The following RORA variants were observed in gnomAD, a reference collection of about 807,000 sequenced individuals.
RORA encodes the protein nuclear receptor ROR-alpha.
In RORA, 7 loss-of-function variants were observed where a neutral mutation model predicts 69.5. That is an observed-to-expected ratio of 0.10 (90% CI 0.06 to 0.19). The LOEUF (loss-of-function observed/expected upper bound fraction) is 0.19. Ranked by LOEUF, RORA falls within the 10% of genes least tolerant of loss-of-function variation. The probability of loss-of-function intolerance (pLI) is 1.00; values close to 1 mark genes in which losing one functional copy is unlikely to be tolerated. For synonymous variants in RORA, 261 were observed against 240.8 expected (o/e 1.08, Z -0.78); for missense variants, 457 against 663.0 (o/e 0.69, Z 3.41).
At chr15:61,119,840 G>T (rs1335501142) in intron 1 of RORA, among the ~76,000 whole-genome samples, 2 of 152,194 alleles carry the variant, frequency 1.3e-5, no homozygotes, top group African/African-American at 4.8e-5. Flanking sequence ...TCCAGTCTTT[G>T]TGCTGGAGAA....
chr15:60,889,558 A>T (rs1174648071), intron 1 of RORA, among the ~76,000 whole-genome samples: 4 of 152,190 alleles, frequency 2.6e-5, no homozygotes, highest in African/African-American at 9.6e-5. Context: ...AGTTGGGGAG[A>T]GCGACAGTTG....
intron 2 of RORA, among the ~76,000 whole-genome samples, chr15:60,611,558 G>GAAAAAAAAAAAAAA (rs1567122905): frequency 4.1e-4 from 1 of 2,456 alleles, no homozygotes; most frequent in Non-Finnish European, 7.5e-4. Context: ...CTTGAGTTTT[G>GAAAAAAAAAAAAAA]CAAAAAAAAA....
chr15:60,801,739 T>G (rs1595725764), intron 1 of RORA, among the ~76,000 whole-genome samples: 1 of 152,216 alleles, frequency 6.6e-6, no homozygotes, highest in Admixed American at 6.5e-5. Context: ...CGGTTTCAGA[T>G]GAGCTTTGTG....
intron 1 of RORA, among the ~76,000 whole-genome samples, chr15:60,687,376 G>A: frequency 6.6e-6 from 1 of 152,062 alleles, no homozygotes; most frequent in East Asian, 1.9e-4. Flanking sequence ...TATAAATTAG[G>A]AAATCATAGA....
At chr15:61,016,928 G>A (rs967893757) in intron 1 of RORA, among the ~76,000 whole-genome samples, 8 of 152,094 alleles carry the variant, frequency 5.3e-5, no homozygotes, top group Admixed American at 2.0e-4. Flanking sequence ...ATACTCAGCC[G>A]AAGACGTATG....
At chr15:61,172,755 A>G (rs1272047157) in intron 1 of RORA, among the ~76,000 whole-genome samples, 1 of 152,216 alleles carries the variant, frequency 6.6e-6, no homozygotes, top group African/African-American at 2.4e-5. Context: ...ATTTTCCGTT[A>G]GAATCATTTC....
intron 9 of RORA, among the ~76,000 whole-genome samples, chr15:60,500,545 C>T (rs1456865151): frequency 6.6e-6 from 1 of 152,140 alleles, no homozygotes; most frequent in African/African-American, 2.4e-5. Flanking sequence ...TGGTTGAAAA[C>T]ACAGATTAAA....
intron 1 of RORA, among the ~76,000 whole-genome samples, chr15:61,034,584 G>A (rs1458041338): frequency 1.3e-5 from 2 of 152,096 alleles, no homozygotes; most frequent in Non-Finnish European, 2.9e-5. Context: ...ACTGCCAGTA[G>A]GGAGGATTAT....
chr15:60,940,376 T>G (rs1415163188), intron 1 of RORA, among the ~76,000 whole-genome samples: 2 of 152,088 alleles, frequency 1.3e-5, no homozygotes, highest in Non-Finnish European at 2.9e-5. Flanking sequence ...CTCAAAAACA[T>G]CCGCTAGGTG....
At chr15:60,613,428 C>T (rs1028787629) in intron 2 of RORA, among the ~76,000 whole-genome samples, 1 of 152,108 alleles carries the variant, frequency 6.6e-6, no homozygotes, top group Non-Finnish European at 1.5e-5. Flanking sequence ...GGAGTCAGAT[C>T]CAGCTTTGAA....
At chr15:60,713,556 C>T (rs931349725) in intron 1 of RORA, among the ~76,000 whole-genome samples, 1 of 152,148 alleles carries the variant, frequency 6.6e-6, no homozygotes, top group Non-Finnish European at 1.5e-5. Context: ...CGCCCCCGTA[C>T]ATTCCACTCT....
chr15:61,021,888 T>C (rs1393584296), intron 1 of RORA, among the ~76,000 whole-genome samples: 1 of 152,182 alleles, frequency 6.6e-6, no homozygotes, highest in Non-Finnish European at 1.5e-5. Context: ...AATTTCTTCT[T>C]ACTGGTGCAC....
At chr15:60,813,520 G>T (rs1481451708) in intron 1 of RORA, among the ~76,000 whole-genome samples, 3 of 152,060 alleles carry the variant, frequency 2.0e-5, no homozygotes, top group African/African-American at 7.2e-5. Flanking sequence ...TGCTGAATGG[G>T]GTCTGGAATC....
intron 1 of RORA, among the ~76,000 whole-genome samples, chr15:60,919,559 A>ACC (rs1411429203): frequency 1.3e-5 from 2 of 152,198 alleles, no homozygotes; most frequent in African/African-American, 4.8e-5. Flanking sequence ...GGATATTTAA[A>ACC]TACATATTTT....
chr15:60,731,186 T>C (rs370040303), intron 1 of RORA, among the ~76,000 whole-genome samples: 26 of 152,178 alleles, frequency 1.7e-4, no homozygotes, highest in African/African-American at 6.0e-4. Context: ...CTGTCAGTGA[T>C]GGTGGATAAG....
intron 1 of RORA, among the ~76,000 whole-genome samples, chr15:61,101,330 G>T (rs1402960055): frequency 6.6e-6 from 1 of 152,160 alleles, no homozygotes; most frequent in Non-Finnish European, 1.5e-5. Flanking sequence ...TGGAAGCAAA[G>T]TAGGGTCATG....
At chr15:60,923,473 C>T (rs957841081) in intron 1 of RORA, among the ~76,000 whole-genome samples, 8 of 152,150 alleles carry the variant, frequency 5.3e-5, no homozygotes, top group African/African-American at 1.7e-4. Flanking sequence ...AAGCACTGGA[C>T]GGGAAGCTGG....
At chr15:61,197,164 C>T (rs1318821461) in intron 1 of RORA, among the ~76,000 whole-genome samples, 6 of 152,244 alleles carry the variant, frequency 3.9e-5, no homozygotes, top group Admixed American at 3.9e-4. Flanking sequence ...ACAATGACTA[C>T]TGACAAGAGC....
intron 1 of RORA, among the ~76,000 whole-genome samples, chr15:61,048,822 T>A (rs1423589554): frequency 6.6e-6 from 1 of 152,142 alleles, no homozygotes; most frequent in East Asian, 1.9e-4. Flanking sequence ...GGCCATTTCC[T>A]GGAGTTTCAT....
Sources: gnomAD v4.1 joint callset for allele counts (sites outside exome capture counted in the v4.1 genomes callset) on GRCh38, gnomAD v4.1.1 for gene constraint, MANE v1.5 for transcripts, NCBI Gene and HGNC (gene_info 2026-07-23, HGNC 2026-07-21) for gene names.